RIMS2: variants seen among roughly 807,000 people sequenced by gnomAD.
RIMS2 encodes the protein regulating synaptic membrane exocytosis 2, also known as regulating synaptic membrane exocytosis protein 2.
In RIMS2, 59 loss-of-function variants were observed where a neutral mutation model predicts 174.4. The ratio of observed to expected loss-of-function variants is 0.34; its 90% CI spans 0.27 to 0.42. The LOEUF is 0.42. Among genes scored for constraint, RIMS2 ranks in the 10% least tolerant of loss-of-function variants. The pLI is 1.00. For missense variants in RIMS2, 1,620 were observed against 1,666.3 expected, an observed-to-expected ratio of 0.97 and a Z score of 0.48; for synonymous variants, 606 against 572.5, an observed-to-expected ratio of 1.06 and a Z score of -0.84.
At chr8:103,850,708 C>A (rs146452388) in intron 3 of RIMS2, among the ~76,000 whole-genome samples, 2 of 152,056 alleles carry the variant, frequency 1.3e-5, no homozygotes, top group African/African-American at 4.8e-5. Flanking sequence ...AACTCTTAAA[C>A]GAACAGAGCT....
intron 1 of RIMS2, among the ~76,000 whole-genome samples, chr8:103,553,196 C>T (rs1848848109): frequency 1.3e-5 from 2 of 152,074 alleles, no homozygotes; most frequent in Non-Finnish European, 2.9e-5. Context: ...GGAACCAACC[C>T]AAATATCCAT....
chr8:103,627,806 C>A (rs1034060388), intron 1 of RIMS2, among the ~76,000 whole-genome samples: 1 of 152,186 alleles, frequency 6.6e-6, no homozygotes, highest in African/African-American at 2.4e-5. Flanking sequence ...CAGTTAAGAT[C>A]ATTTTATTTG....
chr8:104,123,886 A>G (rs2098405930), intron 19 of RIMS2, among the ~76,000 whole-genome samples: 1 of 152,120 alleles, frequency 6.6e-6, no homozygotes, highest in South Asian at 2.1e-4. Context: ...TAAAATTTCT[A>G]TACACCAACA....
chr8:103,829,462 G>A lies in RIMS2; in HGVS notation c.699-55836G>A, dbSNP rs545197711. Among the ~76,000 whole-genome samples the A allele has an allele frequency of 9.2e-5, 14 of 152,280 alleles. No individual in the cohort carries two copies. In the South Asian group the frequency reaches 1.7e-3, roughly 18 times the overall value. On this transcript the variant is annotated intron_variant, in intron 3 of 23. Transcript: ENST00000504942. ...GCAATAGAAAAAGCATAGAATCAACGTAGATGTCCATCAATAATGGACTGG... is the reference window on the plus strand; with the variant it reads ...GCAATAGAAAAAGCATAGAATCAACATAGATGTCCATCAATAATGGACTGG...
At chr8:104,091,255 C>G (rs976507620) in intron 19 of RIMS2, among the ~76,000 whole-genome samples, 2 of 151,710 alleles carry the variant, frequency 1.3e-5, no homozygotes, top group African/African-American at 4.8e-5. Flanking sequence ...TTAAAACTTA[C>G]AGTTTTCCAT....
intron 1 of RIMS2, among the ~76,000 whole-genome samples, chr8:103,631,883 T>C (rs1356597493): frequency 1.3e-5 from 2 of 152,214 alleles, no homozygotes; most frequent in South Asian, 2.1e-4. Context: ...TTATTCTGTT[T>C]GTGGCTGCTC....
intron 1 of RIMS2, among the ~76,000 whole-genome samples, chr8:103,679,253 T>G (rs1160035171): frequency 6.6e-6 from 1 of 151,996 alleles, no homozygotes; most frequent in Non-Finnish European, 1.5e-5. Context: ...AAATCTTATC[T>G]TATGAGGAGC....
chr8:103,879,236 T>C (rs1029440737), intron 3 of RIMS2, among the ~76,000 whole-genome samples: 5 of 151,168 alleles, frequency 3.3e-5, no homozygotes, highest in African/African-American at 9.7e-5. Flanking sequence ...AGAAACAAGA[T>C]GATTGATAGA....
rs564851777 is a variant in RIMS2 at position 104,135,547 on chromosome 8, A to C, written c.3335-109369A>C. Among the ~76,000 whole-genome samples, 5 of 149,646 alleles carry C rather than the reference A, an allele frequency of 3.3e-5. No homozygotes were observed. The East Asian group carries it at 1.0e-3, about 31-fold the overall frequency. On this transcript the variant is annotated intron_variant, in intron 19 of 23. Coordinates refer to ENST00000504942, the Ensembl canonical transcript of RIMS2. The stretch of plus-strand genomic sequence containing the variant: ...CTTGAGCCCAAGAGGTCAAGGTTAC[A>C]ATGAGTTGTGATCACGCCAGTGCAC...
At chr8:103,711,110 T>C (rs960266134) in intron 2 of RIMS2, among the ~76,000 whole-genome samples, 1 of 152,246 alleles carries the variant, frequency 6.6e-6, no homozygotes, top group Admixed American at 6.5e-5. Flanking sequence ...ATCTTTTTTG[T>C]GGATCTTTCT....
intron 19 of RIMS2, among the ~76,000 whole-genome samples, chr8:104,042,114 C>T (rs1655813604): frequency 6.6e-6 from 1 of 151,102 alleles, no homozygotes; most frequent in Non-Finnish European, 1.5e-5. Flanking sequence ...TGTATATACA[C>T]ACATATATAA....
intron 16 of RIMS2, among the ~76,000 whole-genome samples, chr8:103,985,039 G>A (rs2094232866): frequency 6.6e-6 from 1 of 152,198 alleles, no homozygotes; most frequent in Admixed American, 6.6e-5. Flanking sequence ...CAGAGGCTGG[G>A]ATGGGTCGCA....
At chr8:103,672,774 C>G (rs1034879937) in intron 1 of RIMS2, among the ~76,000 whole-genome samples, 6 of 152,040 alleles carry the variant, frequency 3.9e-5, no homozygotes, top group African/African-American at 1.2e-4. Context: ...TTGTCCCTCC[C>G]AAATCTCATT....
chr8:104,239,492 A>G (rs373314720), intron 19 of RIMS2, among the ~76,000 whole-genome samples: 10 of 152,198 alleles, frequency 6.6e-5, no homozygotes, highest in African/African-American at 2.4e-4. Context: ...TTACCTGAGT[A>G]TTTTTTGATG....
chr8:103,752,856 T>G (rs1046827396), intron 2 of RIMS2, among the ~76,000 whole-genome samples: 32 of 152,206 alleles, frequency 2.1e-4, no homozygotes, highest in African/African-American at 6.5e-4. Flanking sequence ...GGGTTTTCTA[T>G]ATATACAATC....
intron 3 of RIMS2, among the ~76,000 whole-genome samples, chr8:103,859,388 T>C (rs1012614098): frequency 6.6e-6 from 1 of 151,990 alleles, no homozygotes; most frequent in Admixed American, 6.6e-5. Context: ...TACTATTTCC[T>C]CCCACCCCCC....
At chr8:104,159,635 G>T (rs957798250) in intron 19 of RIMS2, among the ~76,000 whole-genome samples, 2 of 151,878 alleles carry the variant, frequency 1.3e-5, no homozygotes, top group African/African-American at 4.8e-5. Context: ...GTATGAGGGT[G>T]GTATCTCATT....
At chr8:103,934,979 G>A (rs1338603890) in intron 12 of RIMS2, among the ~76,000 whole-genome samples, 1 of 152,140 alleles carries the variant, frequency 6.6e-6, no homozygotes, top group Admixed American at 6.6e-5. Context: ...TTACAGGTGT[G>A]AGCCACCACC....
chr8:103,531,279 A>C (rs1369334201), intron 1 of RIMS2, among the ~76,000 whole-genome samples: 1 of 152,126 alleles, frequency 6.6e-6, no homozygotes, highest in Non-Finnish European at 1.5e-5. Flanking sequence ...GGCAGTTCTC[A>C]AAAAAATCAG....
Sources: gnomAD v4.1 joint callset for allele counts (sites outside exome capture counted in the v4.1 genomes callset) on GRCh38, gnomAD v4.1.1 for gene constraint, MANE v1.5 for transcripts, NCBI Gene and HGNC (gene_info 2026-07-23, HGNC 2026-07-21) for gene names.